HELZ: variants seen among roughly 807,000 people sequenced by gnomAD.
HELZ encodes helicase with zinc finger.
Under a neutral mutation model 218.2 loss-of-function variants are expected in HELZ, and 23 were observed. That is an observed-to-expected ratio of 0.11 (90% CI 0.08 to 0.15). The LOEUF (loss-of-function observed/expected upper bound fraction) is 0.15. HELZ is among the 10% of genes least tolerant of loss of function. The pLI, the probability that HELZ is intolerant of heterozygous loss-of-function variation, is 1.00. For synonymous variants in HELZ, 814 were observed against 829.4 expected, an observed-to-expected ratio of 0.98 and a Z score of 0.32; for missense variants, 1,813 against 2,353.7, an observed-to-expected ratio of 0.77 and a Z score of 4.75.
At chr17:67,212,389 A>C (rs977880886) in intron 5 of HELZ, among the ~76,000 whole-genome samples, 16 of 149,516 alleles carry the variant, frequency 1.1e-4, no homozygotes, top group African/African-American at 3.9e-4. Flanking sequence ...TGGAGTGCTT[A>C]AACTATGAGC....
chr17:67,231,840 A>G (rs1361821240), intron 3 of HELZ, among the ~76,000 whole-genome samples: 1 of 151,516 alleles, frequency 6.6e-6, no homozygotes, highest in East Asian at 2.0e-4. Flanking sequence ...ATCACCTGAG[A>G]TCAGGAGTTC....
chr17:67,148,487 C>T (rs1399619971), intron 20 of HELZ, 82 bp downstream of exon 20: 45 of 1,161,586 alleles, frequency 3.9e-5, no homozygotes, highest in Non-Finnish European at 1.1e-5. Context: ...AATCATCTGT[C>T]CCTAGCAGCA....
intron 22 of HELZ, 53 bp from the exon 23 acceptor site, chr17:67,136,251 G>C: frequency 8.5e-7 from 1 of 1,170,676 alleles, no homozygotes. Flanking sequence ...CTGAACCACT[G>C]ATATAATAAA....
chr17:67,244,853 C>T, intron 1 of HELZ: 1 of 985,558 alleles, frequency 1.0e-6, no homozygotes, highest in Non-Finnish European at 1.2e-6. Context: ...CGCAGGCTCC[C>T]GGGCCAGGCG....
At chr17:67,087,469 C>T (rs1195812406) in intron 31 of HELZ, among the ~76,000 whole-genome samples, 1 of 152,210 alleles carries the variant, frequency 6.6e-6, no homozygotes, top group Non-Finnish European at 1.5e-5. Flanking sequence ...AGCAAATCCG[C>T]TCAAAATTAA....
chr17:67,157,174 C>T (rs2038867697), intron 17 of HELZ, among the ~76,000 whole-genome samples: 1 of 152,188 alleles, frequency 6.6e-6, no homozygotes, highest in Non-Finnish European at 1.5e-5. Context: ...CCTGCAGAAC[C>T]ATGAGCCAAT....
At chr17:67,111,969 T>C (rs2037294305) in intron 28 of HELZ, among the ~76,000 whole-genome samples, 2 of 152,190 alleles carry the variant, frequency 1.3e-5, no homozygotes, top group African/African-American at 4.8e-5. Context: ...GCTATCTTAA[T>C]TGTCTCTATC....
chr17:67,113,255 A>G (rs1482333907), intron 28 of HELZ, among the ~76,000 whole-genome samples: 2 of 151,958 alleles, frequency 1.3e-5, no homozygotes, highest in African/African-American at 4.8e-5. Context: ...GTAGTTGAAG[A>G]GGAGAGATTA....
At chr17:67,156,830 T>G (rs1015188664) in intron 17 of HELZ, among the ~76,000 whole-genome samples, 1 of 152,152 alleles carries the variant, frequency 6.6e-6, no homozygotes, top group South Asian at 2.1e-4. Context: ...GTTTTTCAAA[T>G]TACTCATTTA....
At position 67,123,054 on chromosome 17, in the gene HELZ, T is replaced by A; in HGVS notation, c.3546A>T (p.Gln1182His). The change falls in exon 26 of 33, where the codon CAA becomes CAT. Residue 1182 changes from glutamine to histidine, a missense_variant. Gln to His is a conservative substitution (Grantham distance 24). Around this residue, in one of 4 missense-constraint regions of HELZ, gnomAD observed 938 missense variants for 1,027.5 expected, o/e 0.91. Coordinates refer to ENST00000358691, the MANE Select transcript of HELZ (RefSeq NM_014877.4). The part of the protein sequence containing the change: ...PNLGKSPSPV[Q>H]RIDPHTGTSI... ...TTGTCCCAGTGTGAGGATCTATTCT[T>A]TGAACAGGGCTTGGAGATTTTCCCA... The A allele has an allele frequency of 6.2e-7, 1 of 1,613,610 alleles. No individual in the cohort carries two copies. The highest frequency in any genetic ancestry group is 8.5e-7 in the Non-Finnish European group (1 of 1,179,568).
At chr17:67,220,708 A>C (rs76406489) in intron 3 of HELZ, among the ~76,000 whole-genome samples, 12,435 of 152,042 alleles carry the variant, frequency 0.082, 1,683 homozygotes, top group African/African-American at 0.28. Context: ...CCAGCCTGGT[A>C]TCAAAACTCC....
chr17:67,181,097 G>A (rs930569871), intron 12 of HELZ, among the ~76,000 whole-genome samples: 24 of 152,018 alleles, frequency 1.6e-4, no homozygotes, highest in African/African-American at 5.8e-4. Context: ...ATAATAGTAA[G>A]GAATCTATTT....
At chr17:67,146,010 C>G in intron 20 of HELZ, 120 bp from the exon 21 acceptor site, 6 of 826,570 alleles carry the variant, frequency 7.3e-6, no homozygotes, top group Non-Finnish European at 9.4e-6. Context: ...ATTAATTTTA[C>G]TCCAATCATC....
upstream of HELZ, chr17:67,245,461 C>G (rs183568844): frequency 1.5e-3 from 1,440 of 985,690 alleles, 10 homozygotes; most frequent in African/African-American, 0.022. Flanking sequence ...GCCCGGTCCT[C>G]TCGCCTCGCC....
intron 12 of HELZ, among the ~76,000 whole-genome samples, chr17:67,184,425 C>T (rs191997529): frequency 1.2e-3 from 185 of 152,198 alleles, no homozygotes; most frequent in Middle Eastern, 3.4e-3. Context: ...AGGACAAAAA[C>T]TTGCTTAAAA....
Position 67,108,835 on chromosome 17 carries a change from A to G in HELZ, c.4490-109T>C, listed in dbSNP as rs2037189498. 7 of 928,960 alleles carry G rather than the reference A, an allele frequency of 7.5e-6. No homozygotes were observed. In the Admixed American group the frequency reaches 1.7e-4, roughly 23 times the overall value. The allele number at this position is 928,960 out of a possible 1,614,324, so 57.5% of individuals were successfully genotyped here. On this transcript the variant is annotated intron_variant, in intron 29 of 32. Transcript: ENST00000358691. The surrounding 1 kb of genome is among the most constrained non-coding windows in gnomAD (Gnocchi z 4.1). ...CACAAAGACAAAGGACGTAGCTACA[A>G]ATTTGGTTTTGGTAAGAAGTAAATG...
rs58616216 is a variant in HELZ, at chr17:67,123,815, C to CTGTGTGTGTGTGTGTGTG, written c.3439+130_3439+147dup. 613 of 535,038 alleles carry CTGTGTGTGTGTGTGTGTG rather than the reference C, an allele frequency of 1.1e-3. 3 individuals carry two copies. The highest frequency in any genetic ancestry group is 9.3e-3 in the African/African-American group (448 of 48,220). The allele number at this position is 535,038 out of a possible 1,614,324, so 33.1% of individuals were successfully genotyped here. On this transcript the variant is annotated intron_variant, in intron 25 of 32. Transcript: ENST00000358691. The stretch of plus-strand genomic sequence containing the variant: ...AAAAAATTGAGAGGTTCCAAAGTGA[C>CTGTGTGTGTGTGTGTGTG]TGTGTGTGTGTGTGTGTGTGTGTGT...
At chr17:67,111,644 G>C (rs1405181426) in intron 28 of HELZ, among the ~76,000 whole-genome samples, 1 of 152,118 alleles carries the variant, frequency 6.6e-6, no homozygotes, top group African/African-American at 2.4e-5. Context: ...AGCTCAAATG[G>C]ATTGCCATTA....
chr17:67,143,092 G>A (rs1245169132), intron 21 of HELZ, among the ~76,000 whole-genome samples: 1 of 152,094 alleles, frequency 6.6e-6, no homozygotes. Flanking sequence ...ATAAAAAGAG[G>A]TCATCCTGTT....
Sources: gnomAD v4.1 joint callset for allele counts (sites outside exome capture counted in the v4.1 genomes callset) on GRCh38, gnomAD v4.1.1 for gene constraint, gnomAD v4.1.1 regional missense constraint, Gnocchi (gnomAD v3.1) non-coding constraint, MANE v1.5 for transcripts, NCBI Gene and HGNC (gene_info 2026-07-23, HGNC 2026-07-21) for gene names.